Variants in ZNF124 observed in about 807,000 individuals in gnomAD.
ZNF124 encodes zinc finger protein 124.
A neutral mutation model predicts 26.6 loss-of-function variants in ZNF124; 25 were observed. The ratio of observed to expected loss-of-function variants is 0.94; its 90% CI spans 0.68 to 1.31. ZNF124 has a LOEUF of 1.31. Ranked by LOEUF, ZNF124 falls within the 40% of genes most tolerant of loss-of-function variation. ZNF124 has a pLI of 0.00. For missense variants in ZNF124, 444 were observed against 422.2 expected (o/e 1.05, Z -0.45); for synonymous variants, 129 against 133.3 (o/e 0.97, Z 0.22).
At chr1:247,157,476 A>AT in intron 3 of ZNF124, 73 bp from the exon 4 acceptor site, 1 of 1,451,210 alleles carries the variant, frequency 6.9e-7, no homozygotes, top group Non-Finnish European at 9.5e-7. Flanking sequence ...TCTAGCAGGA[A>AT]TTTTTTTGTT....
At chr1:247,144,810 C>T (rs1307444851) in intron 3 of ZNF124, among the ~76,000 whole-genome samples, 1 of 150,186 alleles carries the variant, frequency 6.7e-6, no homozygotes, top group African/African-American at 2.5e-5. Context: ...GAGTCTCGCT[C>T]TGTCTCCCAG....
intron 3 of ZNF124, among the ~76,000 whole-genome samples, chr1:247,142,057 C>T (rs1672642306): frequency 6.6e-6 from 1 of 152,216 alleles, no homozygotes; most frequent in Non-Finnish European, 1.5e-5. Context: ...TGCCAGGGTC[C>T]AGCCCTGGCT....
At chr1:247,133,724 G>A (rs1672421537) in intron 3 of ZNF124, among the ~76,000 whole-genome samples, 1 of 146,546 alleles carries the variant, frequency 6.8e-6, no homozygotes, top group East Asian at 2.0e-4. Flanking sequence ...TGCGATCTCA[G>A]CTCACTGCAA....
At chr1:247,122,226 T>C (rs1399152976) in exon 4 of ZNF124, 2 of 152,262 alleles carry the variant, frequency 1.3e-5, no homozygotes, top group Non-Finnish European at 2.9e-5. Context: ...ATTTAGTTCA[T>C]ACAATGTGTT....
downstream of ZNF124, among the ~76,000 whole-genome samples, chr1:247,151,337 G>A (rs1013572582): frequency 1.4e-4 from 21 of 152,162 alleles, no homozygotes; most frequent in African/African-American, 5.1e-4. Context: ...AAATTAGCCG[G>A]GCGTGGTGGC....
intron 1 of ZNF124, among the ~76,000 whole-genome samples, chr1:247,169,278 C>T (rs1018780978): frequency 2.0e-5 from 3 of 152,160 alleles, no homozygotes; most frequent in African/African-American, 7.2e-5. Context: ...CCCTGGTCCC[C>T]GGTCTCCTCA....
downstream of ZNF124, among the ~76,000 whole-genome samples, chr1:247,151,207 C>T (rs534363442): frequency 6.6e-5 from 10 of 152,128 alleles, no homozygotes; most frequent in African/African-American, 9.6e-5. Context: ...GGGCTGGGCG[C>T]GGTGGCTCAC....
exon 4 of ZNF124, chr1:247,122,527 T>C (rs988997953): frequency 6.6e-6 from 1 of 152,232 alleles, no homozygotes; most frequent in Non-Finnish European, 1.5e-5. Context: ...TGTGGTACAT[T>C]TCTTTACCAT....
intron 1 of ZNF124, among the ~76,000 whole-genome samples, chr1:247,161,107 A>G (rs999240624): frequency 6.6e-6 from 1 of 152,244 alleles, no homozygotes; most frequent in Admixed American, 6.5e-5. Flanking sequence ...ACCTACAGAA[A>G]TAACAAACGC....
At chr1:247,150,072 CCCCA>C (rs1400033293), downstream of ZNF124, 5 of 152,080 alleles carry the variant, frequency 3.3e-5, no homozygotes, top group Admixed American at 6.5e-5. Context: ...TCCTAAAGGC[CCCCA>C]CCTGTTAACA....
At chr1:247,172,253 C>G (rs1674118089), upstream of ZNF124, among the ~76,000 whole-genome samples, 1 of 151,258 alleles carries the variant, frequency 6.6e-6, no homozygotes, top group Non-Finnish European at 1.5e-5. Flanking sequence ...TTTATATACA[C>G]TTAACCTTGT....
rs768547124 is a variant in ZNF124, at chr1:247,156,839, G to A, written c.783C>T (p.Pro261=). The A allele has an allele frequency of 2.5e-6, 4 of 1,614,028 alleles. No homozygotes were observed. Among genetic ancestry groups the A allele is most frequent in the Admixed American group, 1.7e-5 (1 of 59,998 alleles). The change falls in exon 4 of 4, where the codon CCC becomes CCT. Residue 261 remains proline, a synonymous_variant. Coordinates refer to ENST00000543802, the MANE Select transcript of ZNF124 (RefSeq NM_001297568.2). ...CTTTCCCACATTGCTTACATGGATA[G>A]GGTTCTTCACCAGCATGAGCCTTTA... ...GHIKAHAGEE[P]YPCKQCGKAF...
chr1:247,161,111 CA>C, intron 1 of ZNF124, among the ~76,000 whole-genome samples: 1 of 152,274 alleles, frequency 6.6e-6, no homozygotes, highest in African/African-American at 2.4e-5. Context: ...ACAGAAATAA[CA>C]AACGCCTAAC....
chr1:247,124,705 G>A (rs1394423513), intron 3 of ZNF124, among the ~76,000 whole-genome samples: 1 of 152,146 alleles, frequency 6.6e-6, no homozygotes, highest in Non-Finnish European at 1.5e-5. Flanking sequence ...ATAAAATCAC[G>A]CAATATGTGG....
In ZNF124 at chr1:247,156,102, A is replaced by G; in HGVS notation, c.*464T>C. On this transcript the variant is annotated 3_prime_UTR_variant, in exon 4 of 4. Transcript: ENST00000543802. Reference sequence around the variant, plus strand: ...CAGTGGGAGTTTTCACATGACCTTTAAAGTAATTGTTAAAATTCAGAATTT... The same window carrying G: ...CAGTGGGAGTTTTCACATGACCTTTGAAGTAATTGTTAAAATTCAGAATTT... The G allele has an allele frequency of 1.0e-5, 10 of 983,112 alleles. No individual in the cohort carries two copies. Among genetic ancestry groups the G allele is most frequent in the Non-Finnish European group, 1.2e-5 (10 of 827,668 alleles). 60.9% of individuals were successfully genotyped at this position (983,112 alleles called of 1,614,324 possible). A position where few individuals can be genotyped will look rare whatever the true frequency, so the allele number is the denominator to read the frequency against.
At chr1:247,154,895 A>C (rs531108659), downstream of ZNF124, among the ~76,000 whole-genome samples, 1 of 152,300 alleles carries the variant, frequency 6.6e-6, no homozygotes, top group African/African-American at 2.4e-5. Flanking sequence ...AAAAACCACA[A>C]GATCATTCCA....
In ZNF124 at chr1:247,158,982, C is replaced by T. The variant is rs1319836440; in HGVS notation, c.218+24G>A. On this transcript the variant is annotated intron_variant, in intron 3 of 3. Coordinates refer to ENST00000543802, the MANE Select transcript of ZNF124 (RefSeq NM_001297568.2). ...CTACAATTGACCCCAAGGGGGACTG[C>T]TTCCTCTTGTGAGGGCAAATTACCT... The T allele has an allele frequency of 2.5e-6, 4 of 1,606,908 alleles. No individual in the cohort carries two copies. The African/African-American group carries it at 5.4e-5, about 22-fold the overall frequency.
rs1264112383 is a variant in ZNF124 at position 247,156,343 on chromosome 1, T to C, written c.*223A>G. On this transcript the variant is annotated 3_prime_UTR_variant, in exon 4 of 4. Coordinates refer to ENST00000543802, the MANE Select transcript of ZNF124 (RefSeq NM_001297568.2). ...CCTTACCACATTTTAAACATTCATA[T>C]GGATTTTCTTCAGTGAGTCCTTTCA... 4 of 1,232,980 alleles carry C rather than the reference T, an allele frequency of 3.2e-6. No individual in the cohort carries two copies. Among genetic ancestry groups the C allele is most frequent in the East Asian group, 3.3e-5 (1 of 30,420 alleles). The allele number at this position is 1,232,980 out of a possible 1,614,324, so 76.4% of individuals were successfully genotyped here.
Position 247,156,438 on chromosome 1 carries a change from G to A in ZNF124, c.*128C>T, listed in dbSNP as rs1394341798. 1 of 1,341,542 alleles carries A rather than the reference G, an allele frequency of 7.5e-7. No individual in the cohort carries two copies. Among genetic ancestry groups the A allele is most frequent in the Non-Finnish European group, 9.6e-7 (1 of 1,046,834 alleles). 83.1% of individuals were successfully genotyped at this position (1,341,542 alleles called of 1,614,324 possible). A position where few individuals can be genotyped will look rare whatever the true frequency, so the allele number is the denominator to read the frequency against. Reference sequence around the variant, plus strand: ...CTTATAGTCATAGGGTTTATCTCCAGTTTGATTCGTTTCATGTATTTGAGG... The same window carrying A: ...CTTATAGTCATAGGGTTTATCTCCAATTTGATTCGTTTCATGTATTTGAGG... On this transcript the variant is annotated 3_prime_UTR_variant, in exon 4 of 4. Coordinates refer to ENST00000543802, the MANE Select transcript of ZNF124 (RefSeq NM_001297568.2).
Sources: gnomAD v4.1 joint callset for allele counts (sites outside exome capture counted in the v4.1 genomes callset) on GRCh38, gnomAD v4.1.1 for gene constraint, MANE v1.5 for transcripts, NCBI Gene and HGNC (gene_info 2026-07-23, HGNC 2026-07-21) for gene names.